CHST15: variants seen among roughly 807,000 people sequenced by gnomAD.
CHST15 encodes the protein carbohydrate sulfotransferase 15.
A neutral mutation model predicts 53.6 loss-of-function variants in CHST15; 30 were observed. The ratio of observed to expected loss-of-function variants is 0.56; its 90% CI spans 0.42 to 0.76. The LOEUF is 0.76. Among genes scored for constraint, CHST15 ranks in the 30% least tolerant of loss-of-function variants. The pLI, the probability that CHST15 is intolerant of heterozygous loss-of-function variation, is 0.00. For missense variants in CHST15, 627 were observed against 740.5 expected, an observed-to-expected ratio of 0.85 and a Z score of 1.78; for synonymous variants, 296 against 289.8, an observed-to-expected ratio of 1.02 and a Z score of -0.22.
rs1554903154 is a variant in CHST15 at position 124,021,238 on chromosome 10, G to GGC, written c.1347+17_1347+18insGC. ...GCCAGGGGCCAGCTCGGGGGGTACG[G>GGC]GGGGGGGGGGTACACACAGGCATGG... On this transcript the variant is annotated intron_variant, in intron 6 of 7. Transcript: ENST00000435907. 3.9e-6 allele frequency: 3 copies of GGC among 770,898 alleles called. No individual in the cohort carries two copies. Among genetic ancestry groups the GGC allele is most frequent in the South Asian group, 2.4e-5 (1 of 41,246 alleles). The allele number at this position is 770,898 out of a possible 1,614,324, so 47.8% of individuals were successfully genotyped here.
chr10:124,056,376 G>A (rs1362608486), intron 1 of CHST15, among the ~76,000 whole-genome samples: 1 of 152,142 alleles, frequency 6.6e-6, no homozygotes, highest in Non-Finnish European at 1.5e-5. Context: ...ATGCCCTGTC[G>A]GCCTGGGGCA....
rs1590163993 is a variant in CHST15, at chr10:124,007,938, C to G, written c.*2211G>C. ...ACGGAACCTATTCTGTCAGCAAGAGCCGGGCCTCGAATGAGAGGAAGCAGA... is the reference window on the plus strand; with the variant it reads ...ACGGAACCTATTCTGTCAGCAAGAGGCGGGCCTCGAATGAGAGGAAGCAGA... On this transcript the variant is annotated 3_prime_UTR_variant, in exon 8 of 8. Transcript: ENST00000435907. 1.6e-6 allele frequency: 2 copies of G among 1,231,356 alleles called. No individual in the cohort carries two copies. The highest frequency in any genetic ancestry group is 3.1e-5 in the African/African-American group (2 of 64,070). 76.3% of individuals were successfully genotyped at this position (1,231,356 alleles called of 1,614,324 possible). A position where few individuals can be genotyped will look rare whatever the true frequency, so the allele number is the denominator to read the frequency against.
At chr10:124,016,090 C>G (rs1003453844) in intron 6 of CHST15, among the ~76,000 whole-genome samples, 8 of 152,182 alleles carry the variant, frequency 5.3e-5, no homozygotes, top group African/African-American at 1.7e-4. Flanking sequence ...CATCCAGGCA[C>G]CAGGCTTCTC....
intron 1 of CHST15, among the ~76,000 whole-genome samples, chr10:124,073,069 G>A (rs1038394689): frequency 6.6e-6 from 1 of 152,100 alleles, no homozygotes; most frequent in African/African-American, 2.4e-5. Context: ...ACTGAAGCTT[G>A]GGCGTACTCA....
chr10:124,075,145 A>G (rs1949031630), intron 1 of CHST15, among the ~76,000 whole-genome samples: 1 of 152,230 alleles, frequency 6.6e-6, no homozygotes, highest in South Asian at 2.1e-4. Flanking sequence ...GGATAGCTTA[A>G]TGGGGAAAAT....
rs1032487679 is a variant in CHST15, at chr10:124,008,837, G to A, written c.*1312C>T. 19 of 1,241,970 alleles carry A rather than the reference G, an allele frequency of 1.5e-5. No individual in the cohort carries two copies. Among genetic ancestry groups the A allele is most frequent in the Middle Eastern group, 2.5e-4 (1 of 4,008 alleles). The allele number at this position is 1,241,970 out of a possible 1,614,324, so 76.9% of individuals were successfully genotyped here. ...TCCCACCTGGGCTGTTGCCAAGGAT[G>A]CTCAAGCGTTCTCTTCAATCTTCCC... is the stretch of plus-strand genomic sequence containing the variant. On this transcript the variant is annotated 3_prime_UTR_variant, in exon 8 of 8. Coordinates refer to ENST00000435907, the MANE Select transcript of CHST15 (RefSeq NM_001270764.2).
chr10:124,026,723 A>G (rs1947027433), intron 5 of CHST15, among the ~76,000 whole-genome samples: 1 of 152,188 alleles, frequency 6.6e-6, no homozygotes, highest in Non-Finnish European at 1.5e-5. Context: ...TCACGGCCTC[A>G]GCGGATGCTT....
At chr10:124,020,798 G>T (rs188466678) in intron 6 of CHST15, 1 of 1,130,082 alleles carries the variant, frequency 8.8e-7, no homozygotes, top group East Asian at 4.9e-5. Context: ...CAAGAGATAC[G>T]ATTGAGGAAT....
chr10:124,042,455 A>G lies in CHST15; in HGVS notation c.887-8T>C. 2.5e-6 allele frequency: 4 copies of G among 1,613,306 alleles called. No homozygotes were observed. The highest frequency in any genetic ancestry group is 3.4e-6 in the Non-Finnish European group (4 of 1,179,332). On this transcript the variant is annotated splice_polypyrimidine_tract_variant and splice_region_variant and intron_variant, in intron 3 of 7. Transcript: ENST00000435907. ...CTCTTAGGCGGACGATTCCTATGAG[A>G]ACCAAGAAGCAGGAGATACTGAGGA...
rs559429731 is a variant in CHST15, at chr10:124,065,613, G to C, written c.-512-18889C>G. ...CTGCCCCTCCCCCGCCAGTCCTGCT[G>C]GGAGCAGACACAAGGGTGATTCTGC... On this transcript the variant is annotated intron_variant, in intron 1 of 7. Coordinates refer to ENST00000435907, the MANE Select transcript of CHST15 (RefSeq NM_001270764.2). 2.6e-5 allele frequency among the ~76,000 whole-genome samples: 4 copies of C among 152,096 alleles called. No homozygotes were observed. In the South Asian group the frequency reaches 8.3e-4, roughly 32 times the overall value.
At position 124,093,546 on chromosome 10, in the gene CHST15, C is replaced by G. The variant is rs1054469275; in HGVS notation, c.-590G>C. On this transcript the variant is annotated 5_prime_UTR_variant, in exon 1 of 8. Transcript: ENST00000435907. ...GCGCGCCCAGCCCCGAGCCTCTAGC[C>G]CCGCATCCAGGGCGCGTCAACCTGA... 2.0e-5 allele frequency: 3 copies of G among 152,304 alleles called. No homozygotes were observed. Among genetic ancestry groups the G allele is most frequent in the African/African-American group, 7.2e-5 (3 of 41,460 alleles). The allele number at this position is 152,304 out of a possible 1,614,324, so 9.4% of individuals were successfully genotyped here.
At chr10:124,071,096 G>A (rs1216139107) in intron 1 of CHST15, among the ~76,000 whole-genome samples, 1 of 152,200 alleles carries the variant, frequency 6.6e-6, no homozygotes, top group Admixed American at 6.5e-5. Context: ...CTAACTTAAA[G>A]GCAGAGTTCT....
At position 124,008,484 on chromosome 10, in the gene CHST15, G is replaced by A; in HGVS notation, c.*1665C>T. Reference sequence around the variant, plus strand: ...CAGTGCCGGCTATAGAGAAGGTGGGGACTGTCCCTGCAAGTGGGAGTTCAG... The same window carrying A: ...CAGTGCCGGCTATAGAGAAGGTGGGAACTGTCCCTGCAAGTGGGAGTTCAG... On this transcript the variant is annotated 3_prime_UTR_variant, in exon 8 of 8. Coordinates refer to ENST00000435907, the MANE Select transcript of CHST15 (RefSeq NM_001270764.2). The A allele has an allele frequency of 1.0e-6, 1 of 993,350 alleles. No individual in the cohort carries two copies. The highest frequency in any genetic ancestry group is 1.2e-6 in the Non-Finnish European group (1 of 834,256). 61.5% of individuals were successfully genotyped at this position (993,350 alleles called of 1,614,324 possible). A position where few individuals can be genotyped will look rare whatever the true frequency, so the allele number is the denominator to read the frequency against.
chr10:124,032,585 A>G (rs555909952), intron 5 of CHST15, among the ~76,000 whole-genome samples: 3 of 152,362 alleles, frequency 2.0e-5, no homozygotes, highest in South Asian at 4.1e-4. Flanking sequence ...TGAAAAGAAT[A>G]GTCTTTACCA....
intron 1 of CHST15, among the ~76,000 whole-genome samples, chr10:124,064,391 G>GCCTT (rs1356342625): frequency 3.9e-5 from 6 of 152,198 alleles, no homozygotes; most frequent in Non-Finnish European, 7.3e-5. Context: ...CATCCCCAAG[G>GCCTT]CCTTCCCCAT....
intron 1 of CHST15, among the ~76,000 whole-genome samples, chr10:124,082,397 C>A (rs1267297235): frequency 6.6e-6 from 1 of 152,158 alleles, no homozygotes; most frequent in Non-Finnish European, 1.5e-5. Context: ...CACGTTCGCC[C>A]GAAGGCCTTT....
In CHST15 at chr10:124,049,052, C is replaced by T. The variant is rs141868570; in HGVS notation, c.-512-2328G>A. Among the ~76,000 whole-genome samples, 6 of 152,310 alleles carry T rather than the reference C, an allele frequency of 3.9e-5. No individual in the cohort carries two copies. The East Asian group carries it at 9.7e-4, about 25-fold the overall frequency. ...AACAGAAAGACCTGAGGAGGCAATT[C>T]GAGATGCTGCAAGAGCCTTAGCAAA... On this transcript the variant is annotated intron_variant, in intron 1 of 7. Coordinates refer to ENST00000435907, the MANE Select transcript of CHST15 (RefSeq NM_001270764.2).
Position 124,046,330 on chromosome 10 carries a change from G to A in CHST15, c.-118C>T, listed in dbSNP as rs1948005724. On this transcript the variant is annotated 5_prime_UTR_variant, in exon 2 of 8. Coordinates refer to ENST00000435907, the MANE Select transcript of CHST15 (RefSeq NM_001270764.2). The stretch of plus-strand genomic sequence containing the variant: ...AGAATGCCTTGTGATCACAGAAGAT[G>A]GATGGAAAGCACAAATACAAAAATA... The A allele has an allele frequency of 3.3e-6, 3 of 921,758 alleles. No homozygotes were observed. Among genetic ancestry groups the A allele is most frequent in the South Asian group, 3.5e-5 (2 of 57,000 alleles). 57.1% of individuals were successfully genotyped at this position (921,758 alleles called of 1,614,324 possible). A position where few individuals can be genotyped will look rare whatever the true frequency, so the allele number is the denominator to read the frequency against.
Position 124,011,133 on chromosome 10 carries a change from C to T in CHST15, c.1496-794G>A, listed in dbSNP as rs1946406546. ...AGTGAGAGGCCCTGAAACAGAACAGCAAGGGCTGCGACCCCAACGCCCCGC... is the reference window on the plus strand; with the variant it reads ...AGTGAGAGGCCCTGAAACAGAACAGTAAGGGCTGCGACCCCAACGCCCCGC... On this transcript the variant is annotated intron_variant, in intron 7 of 7. Coordinates refer to ENST00000435907, the MANE Select transcript of CHST15 (RefSeq NM_001270764.2). The T allele has an allele frequency of 5.2e-6, 5 of 952,390 alleles. No homozygotes were observed. The African/African-American group carries it at 7.1e-5, about 14-fold the overall frequency. The allele number at this position is 952,390 out of a possible 1,614,324, so 59.0% of individuals were successfully genotyped here.
Sources: allele counts gnomAD v4.1 joint callset (sites outside exome capture counted in the v4.1 genomes callset), GRCh38; gene constraint gnomAD v4.1.1; transcripts MANE v1.5; gene names NCBI Gene and HGNC (gene_info 2026-07-23, HGNC 2026-07-21).